POU6F2: variants seen among roughly 807,000 people sequenced by gnomAD.
The protein encoded by POU6F2 is POU domain, class 6, transcription factor 2.
Under a neutral mutation model 71.3 loss-of-function variants are expected in POU6F2, and 31 were observed. The observed-to-expected ratio is 0.43, with a 90% CI of 0.33 to 0.59. The LOEUF (loss-of-function observed/expected upper bound fraction) is 0.59. Ranked by LOEUF, POU6F2 falls within the 20% of genes least tolerant of loss-of-function variation. The pLI is 0.04. For synonymous variants in POU6F2, 347 were observed against 355.7 expected, an observed-to-expected ratio of 0.98 and a Z score of 0.27; for missense variants, 783 against 856.8, an observed-to-expected ratio of 0.91 and a Z score of 1.07.
chr7:39,229,029 A>G (rs992675432), intron 4 of POU6F2, among the ~76,000 whole-genome samples: 12 of 152,192 alleles, frequency 7.9e-5, no homozygotes, highest in Non-Finnish European at 1.6e-4. Flanking sequence ...AGCCATCTCC[A>G]TAGACCACAA....
At chr7:39,397,834 A>ATATATATATATAT (rs1395034721) in intron 5 of POU6F2, among the ~76,000 whole-genome samples, 14 of 143,646 alleles carry the variant, frequency 9.7e-5, no homozygotes, top group East Asian at 4.1e-4. Context: ...ATATATATAT[A>ATATATATATATAT]GTAGAGACGG....
intron 7 of POU6F2, among the ~76,000 whole-genome samples, chr7:39,450,540 C>T (rs1788633957): frequency 6.6e-6 from 1 of 152,178 alleles, no homozygotes; most frequent in Admixed American, 6.5e-5. Flanking sequence ...CATTTCCCTT[C>T]CCTCTCTCGT....
chr7:39,427,617 G>A (rs897395432), intron 6 of POU6F2, among the ~76,000 whole-genome samples: 2 of 152,138 alleles, frequency 1.3e-5, no homozygotes, highest in African/African-American at 4.8e-5. Context: ...ACAGAATGAT[G>A]CTAGCGTTAA....
chr7:39,030,878 A>G (rs201161768), intron 1 of POU6F2, among the ~76,000 whole-genome samples: 1 of 151,582 alleles, frequency 6.6e-6, no homozygotes, highest in Non-Finnish European at 1.5e-5. Context: ...ATTGAACTAA[A>G]CTTTATTGTT....
At chr7:39,062,707 A>C (rs932252216) in intron 1 of POU6F2, among the ~76,000 whole-genome samples, 59 of 149,562 alleles carry the variant, frequency 3.9e-4, no homozygotes, top group African/African-American at 1.4e-3. Flanking sequence ...TTAGTGTGAC[A>C]GTGGTCATTG....
intron 2 of POU6F2, among the ~76,000 whole-genome samples, chr7:39,174,149 T>A (rs1270141032): frequency 6.6e-6 from 1 of 152,216 alleles, no homozygotes; most frequent in Non-Finnish European, 1.5e-5. Context: ...GGGTTGGATT[T>A]CTTTAAGCAG....
chr7:39,407,416 A>G (rs1353859906), intron 6 of POU6F2, among the ~76,000 whole-genome samples: 3 of 149,600 alleles, frequency 2.0e-5, no homozygotes, highest in Non-Finnish European at 4.4e-5. Flanking sequence ...AACGCTGCTA[A>G]TGTGCCACAT....
chr7:39,034,389 G>C (rs151004057), intron 1 of POU6F2: 48 of 311,970 alleles, frequency 1.5e-4, no homozygotes, highest in African/African-American at 6.8e-4. Flanking sequence ...AGGAGAGAGG[G>C]GGGAGGCAGA....
intron 4 of POU6F2, among the ~76,000 whole-genome samples, chr7:39,315,454 T>C (rs1785245724): frequency 6.6e-6 from 1 of 152,144 alleles, no homozygotes; most frequent in African/African-American, 2.4e-5. Context: ...TCCATAAACA[T>C]TTTGATTGCA....
chr7:39,211,852 C>T, intron 4 of POU6F2, among the ~76,000 whole-genome samples: 1 of 152,196 alleles, frequency 6.6e-6, no homozygotes, highest in East Asian at 1.9e-4. Flanking sequence ...CTCCTGCGCC[C>T]TCCAGGACGT....
At chr7:39,412,118 A>C (rs754655601) in intron 6 of POU6F2, among the ~76,000 whole-genome samples, 2 of 152,220 alleles carry the variant, frequency 1.3e-5, no homozygotes, top group Admixed American at 6.5e-5. Flanking sequence ...TATGTTATAA[A>C]ACCTTTTTCT....
intron 2 of POU6F2, among the ~76,000 whole-genome samples, chr7:39,177,806 A>G (rs745647837): frequency 1.3e-5 from 2 of 152,256 alleles, no homozygotes; most frequent in Non-Finnish European, 2.9e-5. Context: ...ATGAGAAGTT[A>G]TTATATTGAT....
chr7:39,163,811 A>C (rs1003802322), intron 2 of POU6F2, among the ~76,000 whole-genome samples: 8 of 152,220 alleles, frequency 5.3e-5, no homozygotes, highest in Non-Finnish European at 1.0e-4. Context: ...GTACAGATAC[A>C]CAACGGAATA....
chr7:39,040,287 C>T (rs1178031188), intron 1 of POU6F2, among the ~76,000 whole-genome samples: 2 of 148,980 alleles, frequency 1.3e-5, no homozygotes, highest in Non-Finnish European at 3.0e-5. Context: ...ATTTCTACTG[C>T]CATAAAAATC....
At position 39,451,734 on chromosome 7, in the gene POU6F2, G is replaced by A. The variant is rs764369089; in HGVS notation, c.1489+33G>A. The stretch of plus-strand genomic sequence containing the variant: ...TCCTTTCTGGCTCGGTTTAAATCGT[G>A]GTGGCCTTCTTGTTGCCTATTTGCA... On this transcript the variant is annotated intron_variant, in intron 8 of 9. Coordinates refer to ENST00000518318, the MANE Select transcript of POU6F2 (RefSeq NM_001370959.1). 11 of 1,539,288 alleles carry A rather than the reference G, an allele frequency of 7.1e-6. No individual in the cohort carries two copies. In the African/African-American group the frequency reaches 8.2e-5, roughly 12 times the overall value.
chr7:39,195,628 G>A (rs1459892498), intron 2 of POU6F2, among the ~76,000 whole-genome samples: 2 of 151,784 alleles, frequency 1.3e-5, no homozygotes, highest in East Asian at 3.9e-4. Context: ...CAGTATCCAT[G>A]TGGGGCCACT....
chr7:39,231,648 T>C (rs1157888695), intron 4 of POU6F2, among the ~76,000 whole-genome samples: 1 of 152,066 alleles, frequency 6.6e-6, no homozygotes, highest in Non-Finnish European at 1.5e-5. Flanking sequence ...GTGGGTACAA[T>C]ACGATATGTT....
chr7:39,394,574 C>T (rs1036000840), intron 5 of POU6F2, among the ~76,000 whole-genome samples: 1 of 152,190 alleles, frequency 6.6e-6, no homozygotes, highest in African/African-American at 2.4e-5. Flanking sequence ...CTTCAAAGCC[C>T]ATTTCAGAAG....
chr7:38,998,976 A>G lies in POU6F2; in HGVS notation c.105+20918A>G, dbSNP rs80139335. 7.1e-3 allele frequency among the ~76,000 whole-genome samples: 1,084 copies of G among 152,066 alleles called. 12 individuals are homozygous for G. The highest frequency in any genetic ancestry group is 0.025 in the African/African-American group (1,045 of 41,490). ...ACTGCACCCAGCTGTTGTTAATCAC[A>G]TTAGTTGATATAAGGGTGAGTTGGA... On this transcript the variant is annotated intron_variant, in intron 1 of 9. Coordinates refer to ENST00000518318, the MANE Select transcript of POU6F2 (RefSeq NM_001370959.1).
Sources: gnomAD v4.1 joint callset for allele counts (sites outside exome capture counted in the v4.1 genomes callset) on GRCh38, gnomAD v4.1.1 for gene constraint, MANE v1.5 for transcripts, NCBI Gene and HGNC (gene_info 2026-07-23, HGNC 2026-07-21) for gene names.